TMCC2: variants seen among roughly 807,000 people sequenced by gnomAD.
The protein encoded by TMCC2 is transmembrane and coiled-coil domain family 2, also known as transmembrane and coiled-coil domains protein 2.
Under a neutral mutation model 49.4 loss-of-function variants are expected in TMCC2, and 16 were observed. The observed-to-expected ratio is 0.32, with a 90% CI of 0.22 to 0.49. The LOEUF (loss-of-function observed/expected upper bound fraction) is 0.49, where lower values mean the gene tolerates loss of function less well. TMCC2 is among the 20% of genes least tolerant of loss of function. The pLI, the probability that TMCC2 is intolerant of heterozygous loss-of-function variation, is 0.99. For synonymous variants in TMCC2, 397 were observed against 434.1 expected (o/e 0.91, Z 1.06); for missense variants, 762 against 989.8 (o/e 0.77, Z 3.09).
chr1:205,229,564 G>T, intron 1 of TMCC2: 1 of 775,900 alleles, frequency 1.3e-6, no homozygotes, highest in Non-Finnish European at 1.5e-6. Context: ...GGGGGTGGTG[G>T]CGGGGGCGGG....
intron 1 of TMCC2, chr1:205,230,238 A>G: frequency 1.1e-6 from 1 of 879,428 alleles, no homozygotes; most frequent in Non-Finnish European, 1.4e-6. Context: ...GAAAAGGGGG[A>G]CGACTAGGTT....
intron 2 of TMCC2, chr1:205,257,070 A>T: frequency 1.0e-6 from 1 of 962,280 alleles, no homozygotes; most frequent in Non-Finnish European, 1.3e-6. Flanking sequence ...ATCTCATCAG[A>T]GCTCGGTCCT....
chr1:205,266,881 A>G (rs1158395881), intron 2 of TMCC2, among the ~76,000 whole-genome samples: 2 of 152,232 alleles, frequency 1.3e-5, no homozygotes, highest in South Asian at 2.1e-4. Context: ...CGGCGAGGAC[A>G]CTGAAGGTCA....
intron 1 of TMCC2, chr1:205,237,016 C>T (rs926415278): frequency 5.3e-5 from 8 of 151,716 alleles, no homozygotes; most frequent in Non-Finnish European, 1.0e-4. Context: ...AATTTTTTGC[C>T]CGTGTGCCCA....
intron 2 of TMCC2, among the ~76,000 whole-genome samples, chr1:205,258,821 G>A (rs1660985739): frequency 2.0e-5 from 3 of 152,220 alleles, no homozygotes; most frequent in Admixed American, 1.3e-4. Flanking sequence ...TTAGCTGGCT[G>A]TAGGCTTTCC....
chr1:205,260,251 G>A (rs1661052145), intron 2 of TMCC2, among the ~76,000 whole-genome samples: 1 of 152,224 alleles, frequency 6.6e-6, no homozygotes, highest in Admixed American at 6.5e-5. Context: ...CTGGTGGCTG[G>A]GCATGGATAG....
At chr1:205,229,545 C>CGGGGGGGGGGGGGGGGGGGGGGG in intron 1 of TMCC2, 1 of 283,978 alleles carries the variant, frequency 3.5e-6, no homozygotes, top group Non-Finnish European at 3.9e-6. Flanking sequence ...TGTGAAGGGG[C>CGGGGGGGGGGGGGGGGGGGGGGG]GGGGGGGGGG....
chr1:205,246,885 G>A (rs1660474238), intron 2 of TMCC2, among the ~76,000 whole-genome samples: 1 of 152,088 alleles, frequency 6.6e-6, no homozygotes, highest in Non-Finnish European at 1.5e-5. Flanking sequence ...AGCTGGTGAA[G>A]GACTGTGGAT....
At chr1:205,260,012 G>A (rs1661039792) in intron 2 of TMCC2, among the ~76,000 whole-genome samples, 1 of 152,220 alleles carries the variant, frequency 6.6e-6, no homozygotes, top group Non-Finnish European at 1.5e-5. Flanking sequence ...TGTAGAGCAA[G>A]ATGTAAGGCC....
At chr1:205,233,065 G>A (rs1428408883) in intron 1 of TMCC2, among the ~76,000 whole-genome samples, 2 of 148,688 alleles carry the variant, frequency 1.3e-5, no homozygotes, top group South Asian at 4.3e-4. Flanking sequence ...AAGCATAAGA[G>A]TGAGCTGGTT....
chr1:205,267,918 TGG>T (rs945538361), intron 2 of TMCC2: 16 of 984,148 alleles, frequency 1.6e-5, no homozygotes, highest in Non-Finnish European at 1.9e-5. Flanking sequence ...GAGTTACTTC[TGG>T]GGCTTTAGTC....
intron 1 of TMCC2, chr1:205,229,679 G>A: frequency 2.0e-6 from 2 of 985,524 alleles, no homozygotes; most frequent in South Asian, 4.7e-5. Flanking sequence ...AGAACTGACA[G>A]GTGGTGGAGC....
In TMCC2 at chr1:205,257,245, G is replaced by A. The variant is rs574450568; in HGVS notation, c.748-11705G>A. ...TCTGGGAACTCAGGCACACCTGCTC[G>A]CAGCCCAGTGCTGCCCAGGGTCTGT... On this transcript the variant is annotated intron_variant, in intron 2 of 4. Transcript: ENST00000358024. 30 of 1,232,314 alleles carry A rather than the reference G, an allele frequency of 2.4e-5. No individual in the cohort carries two copies. In the East Asian group the frequency reaches 5.0e-4, roughly 21 times the overall value. 76.3% of individuals were successfully genotyped at this position (1,232,314 alleles called of 1,614,324 possible).
intron 2 of TMCC2, among the ~76,000 whole-genome samples, chr1:205,260,681 TCCCCCA>T (rs1410845576): frequency 6.7e-6 from 1 of 149,816 alleles, no homozygotes. Context: ...CCCCATTCCT[TCCCCCA>T]CCCCCACCCC....
intron 2 of TMCC2, among the ~76,000 whole-genome samples, chr1:205,249,995 A>G (rs1009819910): frequency 6.6e-6 from 1 of 152,212 alleles, no homozygotes; most frequent in Admixed American, 6.5e-5. Flanking sequence ...TGGAGATCCG[A>G]GAAGTTTCTT....
chr1:205,233,202 T>C (rs965222387), intron 1 of TMCC2, among the ~76,000 whole-genome samples: 6 of 152,104 alleles, frequency 3.9e-5, no homozygotes, highest in Admixed American at 3.9e-4. Context: ...CCATGGGCTT[T>C]CCCCCTGGAC....
chr1:205,269,120 G>A lies in TMCC2; in HGVS notation c.918G>A (p.Glu306=). The change falls in exon 3 of 5, where the codon GAG becomes GAA. Residue 306 remains glutamate, a synonymous_variant. Transcript: ENST00000358024. ...AGATCACCGAGCAGATCAAGATTGA[G>A]CAGGAGGCTCGCGACGACAATGTGG... ...ILKITEQIKI[E]QEARDDNVAE... 1.2e-6 allele frequency: 2 copies of A among 1,614,134 alleles called. No homozygotes were observed. The highest frequency in any genetic ancestry group is 1.7e-6 in the Non-Finnish European group (2 of 1,180,042).
In TMCC2 at chr1:205,241,176, A is replaced by G. The variant is rs2077358; in HGVS notation, c.208-329A>G. 0.17 allele frequency among the ~76,000 whole-genome samples: 26,554 copies of G among 152,054 alleles called. 3,095 individuals carry two copies. The highest frequency in any genetic ancestry group is 0.44 in the East Asian group (2,279 of 5,142). On this transcript the variant is annotated intron_variant, in intron 1 of 4. Coordinates refer to ENST00000358024, the MANE Select transcript of TMCC2 (RefSeq NM_014858.4). This position sits in a 1 kb window ranked among gnomAD's most constrained non-coding sequence, Gnocchi z 7.3. Reference sequence around the variant, plus strand: ...CTAGAGGGATACAACCCCATGAGCCAAGTGCTACCTGTGTATGCCATTAAG... The same window carrying G: ...CTAGAGGGATACAACCCCATGAGCCGAGTGCTACCTGTGTATGCCATTAAG...
At chr1:205,260,133 C>A (rs1661046084) in intron 2 of TMCC2, among the ~76,000 whole-genome samples, 1 of 152,170 alleles carries the variant, frequency 6.6e-6, no homozygotes, top group Admixed American at 6.5e-5. Flanking sequence ...AGCCCATTCA[C>A]AAGGATTAAT....
Sources: gnomAD v4.1 joint callset for allele counts (sites outside exome capture counted in the v4.1 genomes callset) on GRCh38, gnomAD v4.1.1 for gene constraint, Gnocchi (gnomAD v3.1) non-coding constraint, MANE v1.5 for transcripts, NCBI Gene and HGNC (gene_info 2026-07-23, HGNC 2026-07-21) for gene names.